Variants in IQSEC1 observed in about 807,000 individuals in gnomAD.
IQSEC1 encodes the protein IQ motif and SEC7 domain-containing protein 1.
Under a neutral mutation model 91.0 loss-of-function variants are expected in IQSEC1, and 31 were observed. The ratio of observed to expected loss-of-function variants is 0.34; its 90% CI spans 0.26 to 0.46. The LOEUF is 0.46. Ranked by LOEUF, IQSEC1 falls within the 20% of genes least tolerant of loss-of-function variation. IQSEC1 has a pLI of 1.00. For synonymous variants in IQSEC1, 699 were observed against 662.6 expected, an observed-to-expected ratio of 1.05 and a Z score of -0.84; for missense variants, 1,388 against 1,575.6, an observed-to-expected ratio of 0.88 and a Z score of 2.02.
At chr3:13,235,893 C>T (rs1454317789) in intron 1 of IQSEC1, among the ~76,000 whole-genome samples, 2 of 152,156 alleles carry the variant, frequency 1.3e-5, no homozygotes, top group Non-Finnish European at 2.9e-5. Context: ...TAGCCACCAG[C>T]CCCGCTGAGA....
intron 1 of IQSEC1, among the ~76,000 whole-genome samples, chr3:13,253,221 T>C (rs773564529): frequency 2.0e-5 from 3 of 152,228 alleles, no homozygotes; most frequent in Non-Finnish European, 4.4e-5. Flanking sequence ...CCCTGTTTTA[T>C]AGATTTAACA....
chr3:12,902,018 G>A (rs1365855610), intron 13 of IQSEC1, among the ~76,000 whole-genome samples: 1 of 152,034 alleles, frequency 6.6e-6, no homozygotes, highest in African/African-American at 2.4e-5. Context: ...CTGAGGTCTC[G>A]GGGGAGGTGG....
chr3:13,280,597 T>C (rs1379086835), intron 1 of IQSEC1, among the ~76,000 whole-genome samples: 1 of 152,150 alleles, frequency 6.6e-6, no homozygotes, highest in African/African-American at 2.4e-5. Context: ...CCACAGCTCC[T>C]GCTCACACCA....
At chr3:13,243,280 G>C (rs1324109439) in intron 1 of IQSEC1, among the ~76,000 whole-genome samples, 1 of 152,164 alleles carries the variant, frequency 6.6e-6, no homozygotes, top group Admixed American at 6.5e-5. Flanking sequence ...TCCAAGCTTT[G>C]AGGGAGGGGA....
chr3:13,149,304 G>T (rs946361865), intron 2 of IQSEC1, among the ~76,000 whole-genome samples: 8 of 152,198 alleles, frequency 5.3e-5, no homozygotes, highest in Non-Finnish European at 5.9e-5. Context: ...ACAGAGCCTG[G>T]GTCCGCAGGA....
At chr3:12,943,281 T>A (rs1698924820) in intron 1 of IQSEC1, among the ~76,000 whole-genome samples, 1 of 152,016 alleles carries the variant, frequency 6.6e-6, no homozygotes, top group Non-Finnish European at 1.5e-5. Flanking sequence ...CCAAGCACCA[T>A]GGGGGAGCAG....
chr3:13,281,158 G>A (rs1464254976), intron 1 of IQSEC1, among the ~76,000 whole-genome samples: 5 of 152,160 alleles, frequency 3.3e-5, no homozygotes, highest in Admixed American at 6.5e-5. Context: ...CCCTGGTGCC[G>A]CCTCCCCAAG....
At chr3:13,156,738 A>G (rs191121933) in intron 2 of IQSEC1, among the ~76,000 whole-genome samples, 5 of 152,342 alleles carry the variant, frequency 3.3e-5, no homozygotes, top group Admixed American at 3.3e-4. Context: ...GAGATTGGCT[A>G]GGTTACTTCA....
chr3:13,172,806 T>G (rs1000382111), intron 1 of IQSEC1, among the ~76,000 whole-genome samples: 5 of 152,150 alleles, frequency 3.3e-5, no homozygotes, highest in African/African-American at 1.2e-4. Flanking sequence ...GCCAGTACGG[T>G]GAGCTCTGCC....
At chr3:13,136,319 G>A (rs1383841169) in intron 2 of IQSEC1, among the ~76,000 whole-genome samples, 5 of 152,102 alleles carry the variant, frequency 3.3e-5, no homozygotes, top group Non-Finnish European at 5.9e-5. Context: ...ACAAGTGAAC[G>A]GGAAAACCTT....
At chr3:13,064,265 C>G (rs1705165822) in intron 1 of IQSEC1, among the ~76,000 whole-genome samples, 6 of 152,172 alleles carry the variant, frequency 3.9e-5, no homozygotes, top group African/African-American at 9.7e-5. Flanking sequence ...AGCTCCATTA[C>G]CACAAAGATC....
chr3:13,073,843 T>C (rs1052515134), upstream of IQSEC1, among the ~76,000 whole-genome samples: 6 of 152,212 alleles, frequency 3.9e-5, no homozygotes, highest in Admixed American at 6.5e-5. Flanking sequence ...CTGGGAGTCT[T>C]GATTATGCTA....
intron 1 of IQSEC1, among the ~76,000 whole-genome samples, chr3:12,985,025 C>T (rs1043315692): frequency 1.3e-5 from 2 of 151,890 alleles, no homozygotes; most frequent in Non-Finnish European, 2.9e-5. Flanking sequence ...AGGGTTTCAC[C>T]GTGTTAGCCA....
In IQSEC1 at chr3:13,086,943, C is replaced by G. The variant is rs1263785061; in HGVS notation, c.303-39421G>C. Among the ~76,000 whole-genome samples, 17 of 152,208 alleles carry G rather than the reference C, an allele frequency of 1.1e-4. 1 individual carries two copies. The highest frequency in any genetic ancestry group is 9.8e-4 in the Admixed American group (15 of 15,290). ...CCCTGTCTTGGTTATCGTGGCATCC[C>G]CCAGTGCACTGAATGGGGCCTGGCA... On this transcript the variant is annotated intron_variant, in intron 2 of 15. Coordinates refer to the IQSEC1 transcript ENST00000648114.
chr3:12,958,056 G>C (rs1700022554), intron 1 of IQSEC1, among the ~76,000 whole-genome samples: 1 of 152,226 alleles, frequency 6.6e-6, no homozygotes. Flanking sequence ...GGTGAGGCTG[G>C]CTGAGGCCCC....
intron 1 of IQSEC1, among the ~76,000 whole-genome samples, chr3:13,273,648 T>A (rs1695625180): frequency 6.6e-6 from 1 of 152,172 alleles, no homozygotes; most frequent in East Asian, 1.9e-4. Context: ...AGCACCCAGC[T>A]CTGCAGCATC....
intron 1 of IQSEC1, chr3:13,053,215 G>A: frequency 1.5e-6 from 1 of 649,268 alleles, no homozygotes; most frequent in South Asian, 1.6e-5. Context: ...TGTTGGGGAT[G>A]CTGCGACCCA....
intron 1 of IQSEC1, chr3:13,021,970 A>G: frequency 2.7e-6 from 3 of 1,121,512 alleles, no homozygotes; most frequent in Non-Finnish European, 3.4e-6. Flanking sequence ...CTGTACAGCC[A>G]TGCAAACCAT....
intron 2 of IQSEC1, among the ~76,000 whole-genome samples, chr3:13,100,116 G>A (rs147960353): frequency 0.012 from 1,788 of 148,060 alleles, 255 homozygotes; most frequent in African/African-American, 0.044. Flanking sequence ...CGAGGGCTGC[G>A]GGAGCCATGA....
Sources: gnomAD v4.1 joint callset for allele counts (sites outside exome capture counted in the v4.1 genomes callset) on GRCh38, gnomAD v4.1.1 for gene constraint, MANE v1.5 for transcripts, NCBI Gene and HGNC (gene_info 2026-07-23, HGNC 2026-07-21) for gene names.